AGBL4: variants seen among roughly 807,000 people sequenced by gnomAD.
AGBL4 encodes cytosolic carboxypeptidase 6.
AGBL4 carries 58 observed loss-of-function variants against 66.4 expected under a neutral mutation model. That is an observed-to-expected ratio of 0.87 (90% CI 0.71 to 1.09). AGBL4 has a LOEUF of 1.09. Ranked by LOEUF, AGBL4 falls within the 50% of genes least tolerant of loss-of-function variation. The pLI is 0.00. For missense variants in AGBL4, 579 were observed against 631.0 expected (o/e 0.92, Z 0.88); for synonymous variants, 234 against 222.9 (o/e 1.05, Z -0.44).
At chr1:49,016,540 A>AG (rs776645675) in intron 5 of AGBL4, among the ~76,000 whole-genome samples, 15 of 152,180 alleles carry the variant, frequency 9.9e-5, no homozygotes, top group Non-Finnish European at 1.8e-4. Flanking sequence ...AGCACATTCT[A>AG]GCTGGGGCCA....
At chr1:49,259,450 G>C (rs1253236359) in intron 3 of AGBL4, among the ~76,000 whole-genome samples, 1 of 151,776 alleles carries the variant, frequency 6.6e-6, no homozygotes, top group Non-Finnish European at 1.5e-5. Context: ...CAAAATAAAA[G>C]GATGGAGGAA....
intron 2 of AGBL4, among the ~76,000 whole-genome samples, chr1:49,837,639 G>A (rs533064297): frequency 2.6e-5 from 4 of 152,246 alleles, no homozygotes; most frequent in African/African-American, 9.6e-5. Flanking sequence ...GAGGTCAGGA[G>A]ATCGGACCAT....
chr1:48,996,063 C>T (rs752724314), intron 5 of AGBL4, among the ~76,000 whole-genome samples: 1 of 151,768 alleles, frequency 6.6e-6, no homozygotes, highest in Non-Finnish European at 1.5e-5. Context: ...TGGCAAGACT[C>T]ACTAATGGAC....
At chr1:49,225,207 A>G (rs1026099837) in intron 4 of AGBL4, among the ~76,000 whole-genome samples, 3 of 152,214 alleles carry the variant, frequency 2.0e-5, no homozygotes, top group African/African-American at 7.2e-5. Flanking sequence ...TACCTTCAGT[A>G]TTGAACTCAT....
At chr1:49,791,699 C>T (rs1571575635) in intron 2 of AGBL4, among the ~76,000 whole-genome samples, 1 of 152,036 alleles carries the variant, frequency 6.6e-6, no homozygotes, top group African/African-American at 2.4e-5. Context: ...CTCACAGATC[C>T]CTACTATCTT....
chr1:49,473,496 T>A (rs1469931337), intron 3 of AGBL4, among the ~76,000 whole-genome samples: 1 of 152,046 alleles, frequency 6.6e-6, no homozygotes, highest in East Asian at 1.9e-4. Flanking sequence ...GATGTTTGGT[T>A]TTTGCTTGTT....
At chr1:48,596,415 C>T (rs1569938214) in intron 9 of AGBL4, among the ~76,000 whole-genome samples, 2 of 152,232 alleles carry the variant, frequency 1.3e-5, no homozygotes, top group East Asian at 3.9e-4. Flanking sequence ...GACAAAAAAG[C>T]CCCAAATCTA....
At chr1:49,746,801 A>T (rs1651020712) in intron 2 of AGBL4, among the ~76,000 whole-genome samples, 1 of 152,114 alleles carries the variant, frequency 6.6e-6, no homozygotes. Flanking sequence ...TAAGGAAGTG[A>T]TATATTTCCA....
At chr1:49,019,326 C>G (rs1663066653) in intron 5 of AGBL4, among the ~76,000 whole-genome samples, 1 of 152,144 alleles carries the variant, frequency 6.6e-6, no homozygotes, top group South Asian at 2.1e-4. Context: ...CTCATCCTCC[C>G]CACATGGACA....
At chr1:48,944,359 G>A (rs1208497822) in intron 5 of AGBL4, among the ~76,000 whole-genome samples, 2 of 152,078 alleles carry the variant, frequency 1.3e-5, no homozygotes, top group African/African-American at 2.4e-5. Context: ...TGATTGATTC[G>A]CTCATACACT....
intron 3 of AGBL4, among the ~76,000 whole-genome samples, chr1:49,531,826 C>T (rs1651165015): frequency 6.6e-6 from 1 of 152,068 alleles, no homozygotes; most frequent in Non-Finnish European, 1.5e-5. Flanking sequence ...CTATCCATCT[C>T]ACCCCATAAG....
intron 4 of AGBL4, among the ~76,000 whole-genome samples, chr1:49,087,406 C>G (rs1411499228): frequency 6.6e-6 from 1 of 152,124 alleles, no homozygotes; most frequent in East Asian, 1.9e-4. Context: ...AAAGTGAACT[C>G]ATAAAGCTGA....
chr1:49,995,340 G>A (rs1222982450), intron 1 of AGBL4: 2 of 452,482 alleles, frequency 4.4e-6, no homozygotes, highest in Admixed American at 4.7e-5. Flanking sequence ...AGCCTTTCAG[G>A]CTGCGTTGGA....
intron 5 of AGBL4, among the ~76,000 whole-genome samples, chr1:48,917,488 T>A (rs28576698): frequency 0.012 from 1,837 of 152,286 alleles, 36 homozygotes; most frequent in African/African-American, 0.039. Context: ...GCAGCTGTAC[T>A]ATCCCAGATA....
chr1:48,619,491 A>G (rs975114051), intron 9 of AGBL4, among the ~76,000 whole-genome samples: 1 of 152,118 alleles, frequency 6.6e-6, no homozygotes, highest in African/African-American at 2.4e-5. Context: ...CACTTAATGG[A>G]TGCTTAACAA....
At chr1:48,596,618 A>T (rs184226174) in intron 9 of AGBL4, among the ~76,000 whole-genome samples, 172 of 152,010 alleles carry the variant, frequency 1.1e-3, no homozygotes, top group African/African-American at 3.1e-3. Context: ...TATTTAAAAA[A>T]TTTTTTTTGT....
At chr1:48,971,091 T>A (rs897328835) in intron 5 of AGBL4, among the ~76,000 whole-genome samples, 35 of 152,094 alleles carry the variant, frequency 2.3e-4, no homozygotes, top group Admixed American at 1.7e-3. Flanking sequence ...CTATTGTATA[T>A]TCTATGGCAG....
At chr1:48,805,487 A>G (rs1645902699) in intron 6 of AGBL4, among the ~76,000 whole-genome samples, 1 of 152,192 alleles carries the variant, frequency 6.6e-6, no homozygotes, top group African/African-American at 2.4e-5. Flanking sequence ...CAACTATGGA[A>G]CAGGGATAAT....
chr1:49,545,619 A>G (rs1652411382), intron 3 of AGBL4, among the ~76,000 whole-genome samples: 1 of 152,206 alleles, frequency 6.6e-6, no homozygotes, highest in Non-Finnish European at 1.5e-5. Context: ...TGTGACTCAA[A>G]GACACATATA....
Sources: allele counts gnomAD v4.1 joint callset (sites outside exome capture counted in the v4.1 genomes callset), GRCh38; gene constraint gnomAD v4.1.1; transcripts MANE v1.5; gene names NCBI Gene and HGNC (gene_info 2026-07-23, HGNC 2026-07-21).